ACSS1: variants seen among roughly 807,000 people sequenced by gnomAD.
ACSS1 encodes acetyl-coenzyme A synthetase 2-like, mitochondrial.
In ACSS1, 42 loss-of-function variants were observed where a neutral mutation model predicts 75.3. The ratio of observed to expected loss-of-function variants is 0.56; its 90% CI spans 0.44 to 0.72. The LOEUF (loss-of-function observed/expected upper bound fraction) is 0.72. Ranked by LOEUF, ACSS1 falls within the 30% of genes least tolerant of loss-of-function variation. The pLI, the probability that ACSS1 is intolerant of heterozygous loss-of-function variation, is 0.00. For synonymous variants in ACSS1, 380 were observed against 376.8 expected, an observed-to-expected ratio of 1.01 and a Z score of -0.10; for missense variants, 782 against 935.7, an observed-to-expected ratio of 0.84 and a Z score of 2.14.
At chr20:25,035,963 C>A (rs1278473129) in intron 2 of ACSS1, among the ~76,000 whole-genome samples, 3 of 152,252 alleles carry the variant, frequency 2.0e-5, no homozygotes, top group Non-Finnish European at 2.9e-5. Flanking sequence ...TGCAGCCACT[C>A]AGTGACTGGT....
intron 3 of ACSS1, among the ~76,000 whole-genome samples, chr20:25,030,229 ATCCAGACACTCAG>A (rs2081144436): frequency 6.6e-6 from 1 of 152,198 alleles, no homozygotes; most frequent in African/African-American, 2.4e-5. Flanking sequence ...TAGGGCCACC[ATCCAGACACTCAG>A]TCCTTTGACA....
rs1032689465 is a variant in ACSS1 at position 25,008,230 on chromosome 20, G to A, written c.1891-289C>T. Among the ~76,000 whole-genome samples the A allele has an allele frequency of 9.9e-5, 15 of 152,216 alleles. 1 individual carries two copies. The highest frequency in any genetic ancestry group is 5.2e-4 in the Admixed American group (8 of 15,278). On this transcript the variant is annotated intron_variant, in intron 13 of 13. Coordinates refer to ENST00000323482, the MANE Select transcript of ACSS1 (RefSeq NM_032501.4). Reference sequence around the variant, plus strand: ...TCCGTCTGTCCTGCCACTGTGCCACGTGCAGGCACCCAGGTGGCAGCAGAT... The same window carrying A: ...TCCGTCTGTCCTGCCACTGTGCCACATGCAGGCACCCAGGTGGCAGCAGAT...
At chr20:25,055,962 G>C (rs150854342) in intron 1 of ACSS1, among the ~76,000 whole-genome samples, 180 of 152,330 alleles carry the variant, frequency 1.2e-3, no homozygotes, top group Non-Finnish European at 2.1e-3. Context: ...AGGAGGGCAC[G>C]CACATCCCAG....
intron 1 of ACSS1, among the ~76,000 whole-genome samples, chr20:25,055,066 A>G (rs1359041716): frequency 2.0e-5 from 3 of 152,226 alleles, no homozygotes; most frequent in Non-Finnish European, 2.9e-5. Flanking sequence ...CTCATCAAAC[A>G]TTCCTTCTGT....
chr20:25,046,376 G>A (rs139362621), intron 2 of ACSS1: 33 of 173,280 alleles, frequency 1.9e-4, no homozygotes, highest in African/African-American at 6.6e-4. Flanking sequence ...TTAACCACAC[G>A]TCTCCACAGG....
At chr20:25,029,355 G>A (rs144113164) in intron 3 of ACSS1, among the ~76,000 whole-genome samples, 7 of 152,286 alleles carry the variant, frequency 4.6e-5, no homozygotes, top group Admixed American at 2.0e-4. Context: ...TATGACGGCT[G>A]TAATTTTTTA....
chr20:25,041,310 C>G (rs1345895299), intron 2 of ACSS1, among the ~76,000 whole-genome samples: 1 of 151,628 alleles, frequency 6.6e-6, no homozygotes, highest in African/African-American at 2.4e-5. Context: ...GAAGCAAAAG[C>G]ATGCAGCTTT....
At chr20:25,041,376 A>G (rs2089001627) in intron 2 of ACSS1, among the ~76,000 whole-genome samples, 1 of 152,128 alleles carries the variant, frequency 6.6e-6, no homozygotes, top group African/African-American at 2.4e-5. Context: ...TGGGTTTAAG[A>G]TGGCATGGAG....
chr20:25,039,017 T>C (rs2088960481), intron 2 of ACSS1, among the ~76,000 whole-genome samples: 1 of 151,832 alleles, frequency 6.6e-6, no homozygotes, highest in Non-Finnish European at 1.5e-5. Context: ...CCACTTGTCC[T>C]CACCCCACCC....
chr20:25,006,915 AT>A lies in ACSS1; in HGVS notation c.*846del. ...AATAGCTTCCCTGAAGAACCCAACT[AT>A]TTGGAGTATGTTGCCTCTCCTATCA... On this transcript the variant is annotated 3_prime_UTR_variant, in exon 14 of 14. Transcript: ENST00000323482. The A allele has an allele frequency of 6.5e-7, 1 of 1,535,496 alleles. No homozygotes were observed. Among genetic ancestry groups the A allele is most frequent in the Non-Finnish European group, 8.7e-7 (1 of 1,146,724 alleles).
chr20:25,020,000 G>GGCCGCTCACCTGACCCCAGGGTCCGCA lies in ACSS1; in HGVS notation c.1229_1246+9dup, dbSNP rs1157388051. 2 of 1,614,106 alleles carry GGCCGCTCACCTGACCCCAGGGTCCGCA rather than the reference G, an allele frequency of 1.2e-6. No homozygotes were observed. Among genetic ancestry groups the GGCCGCTCACCTGACCCCAGGGTCCGCA allele is most frequent in the Non-Finnish European group, 1.7e-6 (2 of 1,180,016 alleles). Reference sequence around the variant, plus strand: ...GCACAACCTCTCCTGCTGCAGGGCAGGCCGCTCACCTGACCCCAGGGTCCG... The same window carrying GGCCGCTCACCTGACCCCAGGGTCCGCA: ...GCACAACCTCTCCTGCTGCAGGGCAGGCCGCTCACCTGACCCCAGGGTCCGCAGCCGCTCACCTGACCCCAGGGTCCG... On this transcript the variant is annotated intron_variant, in intron 7 of 13. Coordinates refer to ENST00000323482, the MANE Select transcript of ACSS1 (RefSeq NM_032501.4).
rs370974187 is a variant in ACSS1 at position 25,020,198 on chromosome 20, T to C, written c.1109-51A>G. On this transcript the variant is annotated intron_variant, in intron 6 of 13. Coordinates refer to ENST00000323482, the MANE Select transcript of ACSS1 (RefSeq NM_032501.4). ...CAGCAGGAGAGCTGACATGGTTTACTTTAAACTCAGAGATCAGCCAAGACT... is the reference window on the plus strand; with the variant it reads ...CAGCAGGAGAGCTGACATGGTTTACCTTAAACTCAGAGATCAGCCAAGACT... 1.0e-4 allele frequency: 168 copies of C among 1,609,988 alleles called. No individual in the cohort carries two copies. In the African/African-American group the frequency reaches 2.1e-3, roughly 20 times the overall value.
At chr20:25,009,703 A>T (rs941675379) in intron 12 of ACSS1, 1 of 324,570 alleles carries the variant, frequency 3.1e-6, no homozygotes. Context: ...CTGTGTACAC[A>T]TCTGTGAAAT....
chr20:25,039,946 A>C (rs1366029126), intron 2 of ACSS1, among the ~76,000 whole-genome samples: 1 of 152,258 alleles, frequency 6.6e-6, no homozygotes, highest in Non-Finnish European at 1.5e-5. Context: ...GCAGGCTGGC[A>C]GCCCAGGACA....
chr20:25,016,647 C>T (rs1395065302), intron 7 of ACSS1, among the ~76,000 whole-genome samples: 2 of 152,222 alleles, frequency 1.3e-5, no homozygotes, highest in Non-Finnish European at 2.9e-5. Context: ...TCTTGTGTGT[C>T]ACACCTGCAC....
At position 25,048,194 on chromosome 20, in the gene ACSS1, AG is replaced by A. The variant is rs1406475356; in HGVS notation, c.335-14del. ...TCCAAGCAGTTGACTGTACAAAAAG[AG>A]GGTTTGCGGATGTTACACTTGGTGC... On this transcript the variant is annotated splice_polypyrimidine_tract_variant and intron_variant, in intron 1 of 13. Transcript: ENST00000323482. 1.2e-6 allele frequency: 2 copies of A among 1,611,048 alleles called. No homozygotes were observed. The highest frequency in any genetic ancestry group is 8.5e-7 in the Non-Finnish European group (1 of 1,179,364).
intron 2 of ACSS1, among the ~76,000 whole-genome samples, chr20:25,044,222 T>C (rs934202948): frequency 1.1e-4 from 17 of 152,234 alleles, no homozygotes; most frequent in Admixed American, 7.2e-4. Context: ...CTCATTCATC[T>C]ACCTGGGCCA....
At chr20:25,055,481 T>C (rs1300583744) in intron 1 of ACSS1, among the ~76,000 whole-genome samples, 1 of 152,180 alleles carries the variant, frequency 6.6e-6, no homozygotes, top group African/African-American at 2.4e-5. Context: ...AGGACACTAA[T>C]CCCAATTCTG....
At position 25,021,529 on chromosome 20, in the gene ACSS1, A is replaced by G. The variant is rs758501096; in HGVS notation, c.968T>C (p.Phe323Ser). 2.5e-6 allele frequency: 4 copies of G among 1,613,846 alleles called. No individual in the cohort carries two copies. The highest frequency in any genetic ancestry group is 3.4e-6 in the Non-Finnish European group (4 of 1,179,908). Residue 323 changes from phenylalanine (F) to serine (S), a missense_variant, in exon 6 of 14, where the codon TTT (phenylalanine) becomes TCT (serine). Phe to Ser is a radical substitution (Grantham distance 155). Coordinates refer to ENST00000323482, the MANE Select transcript of ACSS1 (RefSeq NM_032501.4). ...LYAALTHKLV[F>S]DHQPGDIFGC... ...AAAGATGTCACCTGGCTGGTGGTCAAACACAAGCTGCAGAGACAGGAAAGG... is the reference window on the plus strand; with the variant it reads ...AAAGATGTCACCTGGCTGGTGGTCAGACACAAGCTGCAGAGACAGGAAAGG...
Sources: allele counts gnomAD v4.1 joint callset (sites outside exome capture counted in the v4.1 genomes callset), GRCh38; gene constraint gnomAD v4.1.1; transcripts MANE v1.5; gene names NCBI Gene and HGNC (gene_info 2026-07-23, HGNC 2026-07-21).